Variants in CLPB observed in about 807,000 individuals in gnomAD.
CLPB encodes mitochondrial disaggregase.
CLPB carries 40 observed loss-of-function variants against 78.4 expected under a neutral mutation model. The observed-to-expected ratio is 0.51, with a 90% CI of 0.40 to 0.66. CLPB has a LOEUF of 0.66. CLPB is among the 30% of genes least tolerant of loss of function. CLPB has a pLI of 0.00. For missense variants in CLPB, 780 were observed against 886.9 expected, an observed-to-expected ratio of 0.88 and a Z score of 1.53; for synonymous variants, 333 against 348.0, an observed-to-expected ratio of 0.96 and a Z score of 0.48.
intron 4 of CLPB, among the ~76,000 whole-genome samples, chr11:72,375,611 C>T (rs570253882): frequency 6.6e-6 from 1 of 152,346 alleles, no homozygotes; most frequent in South Asian, 2.1e-4. Flanking sequence ...GTAGAGCTCA[C>T]CAATACTTAC....
At chr11:72,401,457 A>C (rs1054454450) in intron 3 of CLPB, among the ~76,000 whole-genome samples, 4 of 152,120 alleles carry the variant, frequency 2.6e-5, no homozygotes, top group African/African-American at 9.7e-5. Context: ...ATAAATAAAT[A>C]AATAGTAAAA....
chr11:72,429,572 G>T (rs942249712), intron 2 of CLPB, among the ~76,000 whole-genome samples: 14 of 152,194 alleles, frequency 9.2e-5, no homozygotes, highest in African/African-American at 3.1e-4. Flanking sequence ...GGCCAAGAGA[G>T]GCCAAGGTTA....
intron 4 of CLPB, among the ~76,000 whole-genome samples, chr11:72,368,246 G>C (rs1950980009): frequency 6.6e-6 from 1 of 152,094 alleles, no homozygotes; most frequent in African/African-American, 2.4e-5. Context: ...ATATACAACA[G>C]AACAGTAAGA....
At position 72,317,234 on chromosome 11, in the gene CLPB, G is replaced by C. The variant is rs759302149; in HGVS notation, c.874-14C>G. On this transcript the variant is annotated splice_polypyrimidine_tract_variant and intron_variant, in intron 6 of 15. Coordinates refer to ENST00000538039, the MANE Select transcript of CLPB (RefSeq NM_001258392.3). ...CTTCTCTTGGTACTGTGGGGAGAGAGGGCAAATGGTTGAGGGCTGCCGGGC... is the reference window on the plus strand; with the variant it reads ...CTTCTCTTGGTACTGTGGGGAGAGACGGCAAATGGTTGAGGGCTGCCGGGC... The C allele has an allele frequency of 6.3e-6, 10 of 1,594,138 alleles. No homozygotes were observed. The highest frequency in any genetic ancestry group is 8.6e-6 in the Non-Finnish European group (10 of 1,168,864).
chr11:72,367,637 T>C (rs940310417), intron 4 of CLPB, among the ~76,000 whole-genome samples: 1 of 151,886 alleles, frequency 6.6e-6, no homozygotes, highest in African/African-American at 2.4e-5. Flanking sequence ...GGGGCACGGG[T>C]TGAAAAACTA....
chr11:72,332,745 G>A (rs1950250663), intron 5 of CLPB: 1 of 152,174 alleles, frequency 6.6e-6, no homozygotes, highest in South Asian at 2.1e-4. Context: ...TTTTGTGTCT[G>A]ACTTTTTCAG....
At chr11:72,420,773 G>T (rs902403887) in intron 2 of CLPB, among the ~76,000 whole-genome samples, 2 of 152,146 alleles carry the variant, frequency 1.3e-5, no homozygotes, top group African/African-American at 2.4e-5. Flanking sequence ...GGAAATTTTC[G>T]TTTTTTAAAG....
intron 7 of CLPB, among the ~76,000 whole-genome samples, chr11:72,309,594 CAGAT>C (rs773553241): frequency 6.6e-6 from 1 of 152,166 alleles, no homozygotes; most frequent in Non-Finnish European, 1.5e-5. Context: ...ACTGAGGCAA[CAGAT>C]AGAGACTTGC....
At chr11:72,330,607 A>G (rs1950206748) in intron 5 of CLPB, among the ~76,000 whole-genome samples, 1 of 152,202 alleles carries the variant, frequency 6.6e-6, no homozygotes, top group African/African-American at 2.4e-5. Flanking sequence ...GCCCATGTGT[A>G]AGCACCTCAC....
At chr11:72,421,219 G>A (rs1186622657) in intron 2 of CLPB, among the ~76,000 whole-genome samples, 4 of 152,146 alleles carry the variant, frequency 2.6e-5, no homozygotes, top group Non-Finnish European at 4.4e-5. Context: ...TCCATGGCAG[G>A]TGGGGTTCCC....
intron 4 of CLPB, among the ~76,000 whole-genome samples, chr11:72,364,207 T>A (rs920897383): frequency 6.6e-6 from 1 of 152,214 alleles, no homozygotes; most frequent in Non-Finnish European, 1.5e-5. Context: ...TTATTTATTT[T>A]TTTGAGATGG....
intron 4 of CLPB, 71 bp downstream of exon 4, chr11:72,380,210 C>T: frequency 8.5e-7 from 1 of 1,173,634 alleles, no homozygotes; most frequent in Non-Finnish European, 1.3e-6. Flanking sequence ...GTAGAGCTGA[C>T]ACCACAGAGC....
In CLPB at chr11:72,290,002, T is replaced by C. The variant is rs1220500490; in HGVS notation, c.*3365A>G. 2 of 152,196 alleles carry C rather than the reference T, an allele frequency of 1.3e-5. No individual in the cohort carries two copies. The highest frequency in any genetic ancestry group is 1.9e-4 in the East Asian group (1 of 5,200). The allele number at this position is 152,196 out of a possible 1,614,324, so 9.4% of individuals were successfully genotyped here. On this transcript the variant is annotated 3_prime_UTR_variant, in exon 16 of 16. Transcript: ENST00000538039. ...TGAGCAGGCCTACAAGCAATGACACTCCGCCAATGATACTCTAGCCAGGAG... is the reference window on the plus strand; with the variant it reads ...TGAGCAGGCCTACAAGCAATGACACCCCGCCAATGATACTCTAGCCAGGAG...
intron 4 of CLPB, among the ~76,000 whole-genome samples, chr11:72,373,960 CAA>C (rs35682727): frequency 0.049 from 3,993 of 80,684 alleles, 42 homozygotes; most frequent in East Asian, 0.083. Context: ...AACTCTGTCT[CAA>C]AAAAAAAAAA....
At chr11:72,334,313 G>A (rs1165310240) in intron 5 of CLPB, among the ~76,000 whole-genome samples, 1 of 152,152 alleles carries the variant, frequency 6.6e-6, no homozygotes, top group African/African-American at 2.4e-5. Context: ...TACGGCGCCT[G>A]TCTCCAGCCC....
At chr11:72,388,248 C>CT (rs2135037128) in intron 3 of CLPB, among the ~76,000 whole-genome samples, 1 of 148,322 alleles carries the variant, frequency 6.7e-6, no homozygotes, top group African/African-American at 2.6e-5. Context: ...GATTCCCTTC[C>CT]CCTTTTTTTT....
Position 72,372,491 on chromosome 11 carries a change from T to A in CLPB, c.646+7790A>T, listed in dbSNP as rs143628796. ...ACATAGCCTCTCTAGGAGTGAAGCT[T>A]AAAGTGGCAAAATAAGATCTCTGGT... On this transcript the variant is annotated intron_variant, in intron 4 of 15. Coordinates refer to ENST00000538039, the MANE Select transcript of CLPB (RefSeq NM_001258392.3). Among the ~76,000 whole-genome samples, 923 of 152,278 alleles carry A rather than the reference T, an allele frequency of 6.1e-3. 14 individuals carry two copies. Among genetic ancestry groups the A allele is most frequent in the African/African-American group, 0.021 (884 of 41,546 alleles).
chr11:72,434,159 C>A lies in CLPB; in HGVS notation c.316G>T (p.Gly106Trp), dbSNP rs1395229910. The change falls in exon 1 of 16, where the codon GGG (glycine) becomes TGG (tryptophan). Residue 106 changes from glycine (G) to tryptophan (W), a missense_variant. Around this residue, in one of 3 missense-constraint regions of CLPB, gnomAD observed 417 missense variants for 414.7 expected, o/e 1.01. Transcript: ENST00000538039. ...CCCAGTCCGGCCCTGCTGGGGACCC[C>A]GTTCCAGCTGTCCTGTCCTGGGAGT... ...ETLPGQDSWN[G>W]VPSRAGLGMC... is the part of the protein sequence containing the mutation. The A allele has an allele frequency of 6.2e-7, 1 of 1,612,962 alleles. No homozygotes were observed. Among genetic ancestry groups the A allele is most frequent in the Non-Finnish European group, 8.5e-7 (1 of 1,180,020 alleles).
At chr11:72,415,325 T>C (rs1855989813) in intron 2 of CLPB, among the ~76,000 whole-genome samples, 1 of 152,234 alleles carries the variant, frequency 6.6e-6, no homozygotes, top group Non-Finnish European at 1.5e-5. Context: ...AATTCTTCCC[T>C]TCTTTCCCAG....
Sources: gnomAD v4.1 joint callset for allele counts (sites outside exome capture counted in the v4.1 genomes callset) on GRCh38, gnomAD v4.1.1 for gene constraint, gnomAD v4.1.1 regional missense constraint, MANE v1.5 for transcripts, NCBI Gene and HGNC (gene_info 2026-07-23, HGNC 2026-07-21) for gene names.